The following B3GALNT2 variants were observed in gnomAD, a reference collection of about 807,000 sequenced individuals.
B3GALNT2 encodes the protein beta-1,3-N-acetylgalactosaminyltransferase 2.
Under a neutral mutation model 61.1 loss-of-function variants are expected in B3GALNT2, and 53 were observed. The ratio of observed to expected loss-of-function variants is 0.87; its 90% CI spans 0.70 to 1.09. The LOEUF (loss-of-function observed/expected upper bound fraction) is 1.09. B3GALNT2 is among the 50% of genes least tolerant of loss of function. B3GALNT2 has a pLI of 0.00. For missense variants in B3GALNT2, 544 were observed against 623.0 expected (o/e 0.87, Z 1.35); for synonymous variants, 223 against 237.4 (o/e 0.94, Z 0.56).
chr1:235,463,163 T>G (rs1370595577), intron 7 of B3GALNT2, among the ~76,000 whole-genome samples: 1 of 152,060 alleles, frequency 6.6e-6, no homozygotes, highest in East Asian at 1.9e-4. Context: ...CACTCATAAG[T>G]GGGAGCTAAG....
intron 6 of B3GALNT2, among the ~76,000 whole-genome samples, chr1:235,466,386 C>G (rs1056645683): frequency 5.9e-5 from 9 of 151,930 alleles, no homozygotes; most frequent in African/African-American, 2.2e-4. Context: ...ATTTTACAGA[C>G]AGGGTTTCAC....
At chr1:235,503,051 A>C (rs1438754619) in intron 1 of B3GALNT2, among the ~76,000 whole-genome samples, 1 of 152,250 alleles carries the variant, frequency 6.6e-6, no homozygotes, top group Admixed American at 6.5e-5. Flanking sequence ...GATTGTTACC[A>C]AAATAACCTC....
At chr1:235,478,208 G>A (rs1011937034) in intron 5 of B3GALNT2, among the ~76,000 whole-genome samples, 3 of 151,898 alleles carry the variant, frequency 2.0e-5, no homozygotes, top group Admixed American at 6.6e-5. Flanking sequence ...GCCTACCACC[G>A]CACCCAGCTA....
intron 4 of B3GALNT2, among the ~76,000 whole-genome samples, 171 bp from the exon 5 acceptor site, chr1:235,480,320 C>CA (rs1279239164): frequency 2.0e-5 from 3 of 151,950 alleles, no homozygotes; most frequent in African/African-American, 7.3e-5. Context: ...CTAGTGCAGT[C>CA]ATGGTTATTA....
At chr1:235,443,614 G>A (rs1440674484), downstream of B3GALNT2, among the ~76,000 whole-genome samples, 2 of 152,142 alleles carry the variant, frequency 1.3e-5, no homozygotes, top group East Asian at 1.9e-4. Context: ...TGGGTTTGGG[G>A]TCTGCTTCTC....
At chr1:235,504,108 C>T in intron 1 of B3GALNT2, 33 bp downstream of exon 1, 1 of 1,206,520 alleles carries the variant, frequency 8.3e-7, no homozygotes. Flanking sequence ...ACCCCCCCGG[C>T]GGCCGCCAAC....
rs1011651651 is a variant in B3GALNT2 at position 235,484,607 on chromosome 1, T to C, written c.362-92A>G. The stretch of plus-strand genomic sequence containing the variant: ...GTGAAGTGGGCTTAATGCCAAAACC[T>C]AGGTAATCATTTGCTATATAATTCA... On this transcript the variant is annotated intron_variant, in intron 3 of 11. Transcript: ENST00000366600. The C allele has an allele frequency of 2.1e-6, 3 of 1,417,028 alleles. No homozygotes were observed. In the African/African-American group the frequency reaches 4.4e-5, roughly 21 times the overall value. 87.8% of individuals were successfully genotyped at this position (1,417,028 alleles called of 1,614,324 possible). A position where few individuals can be genotyped will look rare whatever the true frequency, so the allele number is the denominator to read the frequency against.
In B3GALNT2 at chr1:235,454,254, G is replaced by C; in HGVS notation, c.1213C>G (p.Pro405Ala). ...CCACATGCAAAGGCAGGGTAAGCGGGGCTCGGGTACTCCAACTCCTGCCAC... is the reference window on the plus strand; with the variant it reads ...CCACATGCAAAGGCAGGGTAAGCGGCGCTCGGGTACTCCAACTCCTGCCAC... ...GKWQELEYPS[P>A]AYPAFACGSG... Residue 405 changes from proline to alanine, a missense_variant, in exon 10 of 12, where the codon CCC becomes GCC. Physicochemically the swap from Pro to Ala is conservative, Grantham distance 27 (BLOSUM62 -1). Transcript: ENST00000366600. 6.2e-7 allele frequency: 1 copy of C among 1,613,186 alleles called. No individual in the cohort carries two copies. Among genetic ancestry groups the C allele is most frequent in the Non-Finnish European group, 8.5e-7 (1 of 1,179,276 alleles).
intron 5 of B3GALNT2, among the ~76,000 whole-genome samples, chr1:235,474,304 T>C (rs1166831402): frequency 6.6e-6 from 1 of 152,184 alleles, no homozygotes; most frequent in African/African-American, 2.4e-5. Flanking sequence ...AATAGCATGA[T>C]ACAGGTTGGA....
At chr1:235,461,517 T>G (rs1467214415) in intron 7 of B3GALNT2, among the ~76,000 whole-genome samples, 23 of 134,144 alleles carry the variant, frequency 1.7e-4, no homozygotes, top group African/African-American at 6.2e-4. Flanking sequence ...GTTTTTTTTT[T>G]TTTTTTTTTT....
At chr1:235,491,232 A>G (rs1426166505) in intron 2 of B3GALNT2, among the ~76,000 whole-genome samples, 1 of 152,216 alleles carries the variant, frequency 6.6e-6, no homozygotes, top group Non-Finnish European at 1.5e-5. Flanking sequence ...TTAACTTAAA[A>G]GAAAGACTTT....
chr1:235,494,609 A>G, intron 2 of B3GALNT2, 72 bp downstream of exon 2: 1 of 1,493,098 alleles, frequency 6.7e-7, no homozygotes. Flanking sequence ...GGCACACACC[A>G]CCACGCCTGG....
downstream of B3GALNT2, among the ~76,000 whole-genome samples, chr1:235,443,662 A>G (rs979085604): frequency 2.7e-4 from 41 of 152,148 alleles, no homozygotes; most frequent in African/African-American, 9.7e-4. Context: ...CTGGTGAACC[A>G]AATTCTTACG....
intron 11 of B3GALNT2, chr1:235,452,488 TAC>T (rs1682967771): frequency 6.6e-6 from 1 of 152,176 alleles, no homozygotes; most frequent in African/African-American, 2.4e-5. Context: ...TGATAAACAT[TAC>T]AGGTTGAGCA....
In B3GALNT2 at chr1:235,480,059, G is replaced by T. The variant is rs757958517; in HGVS notation, c.646C>A (p.Pro216Thr). 2 of 1,613,794 alleles carry T rather than the reference G, an allele frequency of 1.2e-6. No homozygotes were observed. Among genetic ancestry groups the T allele is most frequent in the East Asian group, 2.2e-5 (1 of 44,868 alleles). The change falls in exon 5 of 12, where the codon CCA becomes ACA. Residue 216 changes from proline (P) to threonine (T), a missense_variant. Coordinates refer to ENST00000366600, the MANE Select transcript of B3GALNT2 (RefSeq NM_152490.5). ...WYKPVEQFILPESFEGTIVWE... is the reference protein window; with the variant it reads ...WYKPVEQFILTESFEGTIVWE... Reference sequence around the variant, plus strand: ...CTTTTCCTGCCATCCTGTACCTCTGGTAAGATGAATTGTTCCACGGGCTTG... The same window carrying T: ...CTTTTCCTGCCATCCTGTACCTCTGTTAAGATGAATTGTTCCACGGGCTTG...
chr1:235,453,360 G>C lies in B3GALNT2; in HGVS notation c.1312-214C>G, dbSNP rs534996543. Among the ~76,000 whole-genome samples, 103 of 152,112 alleles carry C rather than the reference G, an allele frequency of 6.8e-4. 1 individual carries two copies. The highest frequency in any genetic ancestry group is 2.4e-3 in the African/African-American group (101 of 41,514). ...CCACAAGGTAATAAGATGAAACCGC[G>C]AGCAGACGACCCATCCTTCTCATGT... On this transcript the variant is annotated intron_variant, in intron 10 of 11. Transcript: ENST00000366600.
chr1:235,481,569 C>A (rs913062177), intron 4 of B3GALNT2, among the ~76,000 whole-genome samples: 15 of 152,070 alleles, frequency 9.9e-5, no homozygotes, highest in Non-Finnish European at 1.6e-4. Flanking sequence ...GTCTCTAACT[C>A]CTGGGCTGAA....
intron 1 of B3GALNT2, among the ~76,000 whole-genome samples, chr1:235,495,082 A>G (rs1685255957): frequency 6.6e-6 from 1 of 152,182 alleles, no homozygotes; most frequent in Admixed American, 6.5e-5. Flanking sequence ...AATTCTTCAA[A>G]ACAAACAAGA....
chr1:235,448,902 T>TTAG lies in B3GALNT2; in HGVS notation c.*1303_*1304insCTA. On this transcript the variant is annotated 3_prime_UTR_variant, in exon 12 of 12. Coordinates refer to ENST00000366600, the MANE Select transcript of B3GALNT2 (RefSeq NM_152490.5). ...CCTAAGTATAACAAGGGATGTATTT[T>TTAG]TTGTTGGGAAGTGACCATTTCTAGG... 1 of 712,404 alleles carries TTAG rather than the reference T, an allele frequency of 1.4e-6. No individual in the cohort carries two copies. The highest frequency in any genetic ancestry group is 2.5e-6 in the Non-Finnish European group (1 of 402,570). 44.1% of individuals were successfully genotyped at this position (712,404 alleles called of 1,614,324 possible).
Sources: gnomAD v4.1 joint callset for allele counts (sites outside exome capture counted in the v4.1 genomes callset) on GRCh38, gnomAD v4.1.1 for gene constraint, MANE v1.5 for transcripts, NCBI Gene and HGNC (gene_info 2026-07-23, HGNC 2026-07-21) for gene names.